Variants in PCDHGB2 observed in about 807,000 individuals in gnomAD.
The protein encoded by PCDHGB2 is protocadherin gamma subfamily B, 2, also known as protocadherin gamma-B2.
In PCDHGB2, 55 loss-of-function variants were observed where a neutral mutation model predicts 59.3. The observed-to-expected ratio is 0.93, with a 90% CI of 0.75 to 1.16. The LOEUF (loss-of-function observed/expected upper bound fraction) is 1.16, where lower values mean the gene tolerates loss of function less well. Ranked by LOEUF, PCDHGB2 falls within the 50% of genes most tolerant of loss-of-function variation. The pLI is 0.00. For missense variants in PCDHGB2, 1,228 were observed against 1,198.5 expected (o/e 1.02, Z -0.36); for synonymous variants, 516 against 512.0 (o/e 1.01, Z -0.11).
At chr5:141,428,187 C>G in intron 1 of PCDHGB2, 3 of 1,439,502 alleles carry the variant, frequency 2.1e-6, no homozygotes, top group South Asian at 1.2e-5. Flanking sequence ...GGACAGCCGC[C>G]GCTCTCTGCG....
At chr5:141,423,219 T>C (rs775170753) in intron 1 of PCDHGB2, 3 of 1,613,752 alleles carry the variant, frequency 1.9e-6, no homozygotes, top group Admixed American at 1.7e-5. Flanking sequence ...TCACCGTGGC[T>C]GTGGCCGACA....
chr5:141,475,929 C>A, intron 1 of PCDHGB2: 1 of 634,624 alleles, frequency 1.6e-6, no homozygotes, highest in Non-Finnish European at 2.7e-6. Context: ...GGAGATCGGG[C>A]CCCTGCCCGT....
intron 1 of PCDHGB2, among the ~76,000 whole-genome samples, chr5:141,381,018 ATTAG>A (rs1442442460): frequency 4.6e-5 from 7 of 152,398 alleles, no homozygotes; most frequent in Admixed American, 1.3e-4. Context: ...TAATACCTCT[ATTAG>A]TTCCTTTAAA....
chr5:141,375,200 G>C (rs755732164), intron 1 of PCDHGB2: 3 of 1,613,940 alleles, frequency 1.9e-6, no homozygotes, highest in Non-Finnish European at 2.5e-6. Flanking sequence ...TCAAGTGTTC[G>C]ATCGAGACTC....
intron 1 of PCDHGB2, chr5:141,372,020 C>T (rs534964155): frequency 1.2e-6 from 2 of 1,613,370 alleles, no homozygotes; most frequent in Admixed American, 1.7e-5. Context: ...CGCCTACGCT[C>T]AGCGCCAACG....
At chr5:141,376,675 C>CGTTTTTT (rs1773024325) in intron 1 of PCDHGB2, 1 of 343,980 alleles carries the variant, frequency 2.9e-6, no homozygotes, top group African/African-American at 3.4e-5. Context: ...GTGAGGGTAT[C>CGTTTTTT]GTTTTTTTTT....
At chr5:141,392,728 G>A in intron 1 of PCDHGB2, 3 of 1,407,730 alleles carry the variant, frequency 2.1e-6, no homozygotes, top group Non-Finnish European at 2.8e-6. Flanking sequence ...CCGGAGGATT[G>A]TCATCTCCAT....
chr5:141,421,498 A>T (rs1303740754), intron 1 of PCDHGB2: 2 of 1,613,952 alleles, frequency 1.2e-6, no homozygotes, highest in African/African-American at 1.3e-5. Context: ...GGCAGGCAGG[A>T]TAGACCGGGA....
intron 1 of PCDHGB2, among the ~76,000 whole-genome samples, chr5:141,380,906 G>A (rs528730354): frequency 1.3e-3 from 196 of 152,328 alleles, no homozygotes; most frequent in Non-Finnish European, 2.0e-3. Flanking sequence ...ATCTACAAGT[G>A]CTTACATTGT....
intron 1 of PCDHGB2, chr5:141,427,068 G>A (rs1407368715): frequency 2.2e-6 from 1 of 457,950 alleles, no homozygotes; most frequent in East Asian, 6.9e-5. Flanking sequence ...TGTACTAAAG[G>A]TGACAGCCAC....
intron 1 of PCDHGB2, among the ~76,000 whole-genome samples, chr5:141,467,695 T>C (rs1189395935): frequency 6.6e-6 from 1 of 152,142 alleles, no homozygotes; most frequent in Non-Finnish European, 1.5e-5. Flanking sequence ...AGGGTCTGGC[T>C]CTGTTGCCCA....
At chr5:141,478,576 G>A (rs543160289) in intron 1 of PCDHGB2, 1 of 1,585,480 alleles carries the variant, frequency 6.3e-7, no homozygotes, top group Non-Finnish European at 8.6e-7. Flanking sequence ...GCTTGACCCT[G>A]TTAGTGCTTT....
chr5:141,385,620 T>G (rs2090301137), intron 1 of PCDHGB2: 1 of 1,063,712 alleles, frequency 9.4e-7, no homozygotes, highest in Middle Eastern at 3.9e-4. Flanking sequence ...TTTTATACAT[T>G]GGAATGAATC....
chr5:141,427,751 C>T (rs778043340), intron 1 of PCDHGB2: 1 of 1,306,072 alleles, frequency 7.7e-7, no homozygotes, highest in South Asian at 1.2e-5. Flanking sequence ...CCTACTCCAT[C>T]GTTACCACTG....
chr5:141,407,345 T>C (rs1025383467), intron 1 of PCDHGB2, among the ~76,000 whole-genome samples: 2 of 152,188 alleles, frequency 1.3e-5, no homozygotes, highest in African/African-American at 4.8e-5. Flanking sequence ...TGTATGTTAA[T>C]TTGGGGAAAA....
chr5:141,491,855 G>A lies in PCDHGB2; in HGVS notation c.2422-2952G>A. ...TTCTCGGGATCATTGGACCGTTTGC[G>A]CGAAACCAGAGTGGCCGATTAAGGG... On this transcript the variant is annotated intron_variant, in intron 1 of 3. Coordinates refer to ENST00000522605, the MANE Select transcript of PCDHGB2 (RefSeq NM_018923.3). The surrounding 1 kb of genome is among the most constrained non-coding windows in gnomAD (Gnocchi z 6.9). The A allele has an allele frequency of 2.7e-6, 4 of 1,459,380 alleles. No individual in the cohort carries two copies. The highest frequency in any genetic ancestry group is 3.6e-6 in the Non-Finnish European group (4 of 1,103,492). The allele number at this position is 1,459,380 out of a possible 1,614,324, so 90.4% of individuals were successfully genotyped here. A position where few individuals can be genotyped will look rare whatever the true frequency, so the allele number is the denominator to read the frequency against.
chr5:141,415,786 A>ATT, intron 1 of PCDHGB2: 2 of 1,374,914 alleles, frequency 1.5e-6, no homozygotes, highest in Non-Finnish European at 1.9e-6. Flanking sequence ...TTCTGGTAAA[A>ATT]TTCACCTAGT....
intron 2 of PCDHGB2, among the ~76,000 whole-genome samples, chr5:141,495,912 CTT>C (rs1210428397): frequency 6.6e-6 from 1 of 152,140 alleles, no homozygotes; most frequent in Admixed American, 6.6e-5. Flanking sequence ...CTCTGTATAT[CTT>C]TCTTTGTCTC....
chr5:141,377,400 G>A (rs1463331041), intron 1 of PCDHGB2: 1 of 152,108 alleles, frequency 6.6e-6, no homozygotes, highest in Non-Finnish European at 1.5e-5. Context: ...GAGACCAGGA[G>A]TTTGAGACCA....
Sources: allele counts gnomAD v4.1 joint callset (sites outside exome capture counted in the v4.1 genomes callset), GRCh38; gene constraint gnomAD v4.1.1; non-coding constraint Gnocchi (gnomAD v3.1); transcripts MANE v1.5; gene names NCBI Gene and HGNC (gene_info 2026-07-23, HGNC 2026-07-21).